STK3: variants seen among roughly 807,000 people sequenced by gnomAD.
STK3 encodes the protein serine/threonine kinase 3.
In STK3, 41 loss-of-function variants were observed where a neutral mutation model predicts 58.0. That is an observed-to-expected ratio of 0.71 (90% CI 0.55 to 0.92). The LOEUF (loss-of-function observed/expected upper bound fraction) is 0.92. Ranked by LOEUF, STK3 falls within the 40% of genes least tolerant of loss-of-function variation. The pLI, the probability that STK3 is intolerant of heterozygous loss-of-function variation, is 0.00. For synonymous variants in STK3, 170 were observed against 191.0 expected (o/e 0.89, Z 0.91); for missense variants, 479 against 602.7 (o/e 0.79, Z 2.15).
chr8:98,495,356 T>G (rs1376751006), intron 10 of STK3, among the ~76,000 whole-genome samples: 1 of 152,212 alleles, frequency 6.6e-6, no homozygotes, highest in African/African-American at 2.4e-5. Flanking sequence ...TATTTCTATA[T>G]TACAGGTACT....
intron 6 of STK3, among the ~76,000 whole-genome samples, chr8:98,628,289 T>C (rs1236784353): frequency 6.6e-6 from 1 of 152,220 alleles, no homozygotes; most frequent in East Asian, 1.9e-4. Flanking sequence ...TCTCTTACCA[T>C]TGTTCCCAAC....
At chr8:98,684,102 TGG>T (rs1805318462) in intron 6 of STK3, among the ~76,000 whole-genome samples, 1 of 152,196 alleles carries the variant, frequency 6.6e-6, no homozygotes, top group African/African-American at 2.4e-5. Flanking sequence ...TTTCCATTAC[TGG>T]GCTAGTATGC....
At chr8:98,889,831 G>C (rs188243244) in intron 1 of STK3, 3 of 152,320 alleles carry the variant, frequency 2.0e-5, no homozygotes, top group Admixed American at 2.0e-4. Context: ...TGCGTTTCTA[G>C]CAAGTTCCAC....
the STK3 span, among the ~76,000 whole-genome samples, chr8:98,365,627 G>C: frequency 1.3e-5 from 2 of 152,110 alleles, no homozygotes; most frequent in Admixed American, 6.6e-5. Context: ...CCTCACACCA[G>C]TCCTGTTCCC....
At chr8:98,633,375 T>C (rs1819396738) in intron 6 of STK3, among the ~76,000 whole-genome samples, 1 of 152,196 alleles carries the variant, frequency 6.6e-6, no homozygotes, top group Admixed American at 6.5e-5. Flanking sequence ...TAATATGAGT[T>C]GTGTTTCATT....
chr8:98,399,334 G>A (rs1817922792), downstream of STK3, among the ~76,000 whole-genome samples: 1 of 152,232 alleles, frequency 6.6e-6, no homozygotes, highest in Non-Finnish European at 1.5e-5. Flanking sequence ...GTTACTGTGT[G>A]CCGGGCTACA....
chr8:98,663,502 C>A (rs1309972350), intron 6 of STK3, among the ~76,000 whole-genome samples: 2 of 152,112 alleles, frequency 1.3e-5, no homozygotes, highest in Admixed American at 1.3e-4. Flanking sequence ...ACCATTTGAC[C>A]CAGCCATCCC....
chr8:98,621,540 T>C lies in STK3; in HGVS notation c.685-25371A>G, dbSNP rs1411270285. Among the ~76,000 whole-genome samples, 3 of 152,226 alleles carry C rather than the reference T, an allele frequency of 2.0e-5. No homozygotes were observed. In the East Asian group the frequency reaches 5.8e-4, roughly 29 times the overall value. Reference sequence around the variant, plus strand: ...TATGATGTTAGCTGAAAGGTTTTTATAGGTATTCTTCATCAAATTGAAGAA... The same window carrying C: ...TATGATGTTAGCTGAAAGGTTTTTACAGGTATTCTTCATCAAATTGAAGAA... On this transcript the variant is annotated intron_variant, in intron 6 of 10. Transcript: ENST00000419617.
chr8:98,686,630 T>C (rs756100855), intron 6 of STK3, among the ~76,000 whole-genome samples: 11 of 152,178 alleles, frequency 7.2e-5, no homozygotes, highest in Non-Finnish European at 1.3e-4. Flanking sequence ...AGAATATGGA[T>C]GGCAAAGAAA....
intron 1 of STK3, among the ~76,000 whole-genome samples, chr8:98,917,641 C>T (rs1839392597): frequency 6.6e-6 from 1 of 152,176 alleles, no homozygotes; most frequent in African/African-American, 2.4e-5. Flanking sequence ...GCAGCTCCTT[C>T]ATCTCGAATA....
intron 3 of STK3, among the ~76,000 whole-genome samples, chr8:98,761,152 C>A (rs1270873933): frequency 6.9e-6 from 1 of 145,762 alleles, no homozygotes; most frequent in Non-Finnish European, 1.5e-5. Context: ...GAGACAGGGT[C>A]TGGCTCTATC....
chr8:98,537,718 T>C (rs890812165), intron 9 of STK3, among the ~76,000 whole-genome samples: 1 of 152,216 alleles, frequency 6.6e-6, no homozygotes, highest in Non-Finnish European at 1.5e-5. Flanking sequence ...AATTACCTAG[T>C]TCCTCAATTT....
At chr8:98,926,705 A>C (rs1440099022) in intron 1 of STK3, among the ~76,000 whole-genome samples, 1 of 152,248 alleles carries the variant, frequency 6.6e-6, no homozygotes, top group Non-Finnish European at 1.5e-5. Context: ...TTAAGAAATA[A>C]GGCATAGCCA....
In STK3 at chr8:98,675,453, T is replaced by TA. The variant is rs949334725; in HGVS notation, c.684+31013dup. 5.9e-4 allele frequency among the ~76,000 whole-genome samples: 90 copies of TA among 151,978 alleles called. 1 individual carries two copies. The highest frequency in any genetic ancestry group is 3.5e-4 in the Non-Finnish European group (24 of 67,972). ...ATATGCCATCTTATCTGTATGTCTA[T>TA]AAAAAAAATGGCTGAGCTATGGAAA... On this transcript the variant is annotated intron_variant, in intron 6 of 10. Transcript: ENST00000419617.
chr8:98,531,893 C>T (rs1289900232), intron 9 of STK3, among the ~76,000 whole-genome samples: 1 of 152,218 alleles, frequency 6.6e-6, no homozygotes, highest in African/African-American at 2.4e-5. Context: ...AGCTTCCTTA[C>T]CTCTTTCAGC....
At chr8:98,896,430 C>T (rs181992117) in intron 1 of STK3, among the ~76,000 whole-genome samples, 1 of 152,294 alleles carries the variant, frequency 6.6e-6, no homozygotes, top group Non-Finnish European at 1.5e-5. Flanking sequence ...AGAATCTCAT[C>T]CCCTCCCCAA....
chr8:98,619,758 A>G (rs1408136699), intron 6 of STK3, among the ~76,000 whole-genome samples: 18 of 147,674 alleles, frequency 1.2e-4, no homozygotes, highest in Middle Eastern at 3.5e-3. Context: ...AATCAAAACC[A>G]CAGTGAGATA....
At position 98,641,572 on chromosome 8, in the gene STK3, T is replaced by C. The variant is rs537818028; in HGVS notation, c.685-45403A>G. ...AAGAAATAAGAAATTCCTGCCCTCA[T>C]GTTGCCAATTTACCAACCCTGTGCT... On this transcript the variant is annotated intron_variant, in intron 6 of 10. Transcript: ENST00000419617. Among the ~76,000 whole-genome samples, 3 of 152,324 alleles carry C rather than the reference T, an allele frequency of 2.0e-5. No individual in the cohort carries two copies. The South Asian group carries it at 6.2e-4, about 32-fold the overall frequency.
intron 6 of STK3, among the ~76,000 whole-genome samples, chr8:98,659,507 ACTT>A (rs755560353): frequency 5.9e-5 from 9 of 151,388 alleles, no homozygotes; most frequent in Admixed American, 4.6e-4. Context: ...GAATTACTTA[ACTT>A]TTTTTTTTTT....
Sources: allele counts gnomAD v4.1 joint callset (sites outside exome capture counted in the v4.1 genomes callset), GRCh38; gene constraint gnomAD v4.1.1; transcripts MANE v1.5; gene names NCBI Gene and HGNC (gene_info 2026-07-23, HGNC 2026-07-21).